The following MBNL1 variants were observed in gnomAD, a reference collection of about 807,000 sequenced individuals.
The protein encoded by MBNL1 is muscleblind like splicing regulator 1.
A neutral mutation model predicts 42.2 loss-of-function variants in MBNL1; 8 were observed. The ratio of observed to expected loss-of-function variants is 0.19; its 90% CI spans 0.11 to 0.34. The LOEUF (loss-of-function observed/expected upper bound fraction) is 0.34. Ranked by LOEUF, MBNL1 falls within the 10% of genes least tolerant of loss-of-function variation. The probability of loss-of-function intolerance (pLI) is 1.00; values close to 1 mark genes in which losing one functional copy is unlikely to be tolerated. For missense variants in MBNL1, 309 were observed against 495.3 expected (o/e 0.62, Z 3.57); for synonymous variants, 169 against 173.9 (o/e 0.97, Z 0.22).
intron 4 of MBNL1, among the ~76,000 whole-genome samples, chr3:152,434,404 A>G (rs1364282292): frequency 6.6e-6 from 1 of 152,224 alleles, no homozygotes; most frequent in African/African-American, 2.4e-5. Context: ...TTATGTCTGC[A>G]TAGTATTCCA....
At chr3:152,312,270 A>G (rs73009903) in intron 2 of MBNL1, among the ~76,000 whole-genome samples, 2,414 of 152,124 alleles carry the variant, frequency 0.016, 57 homozygotes, top group African/African-American at 0.055. Flanking sequence ...CATGGGAAAT[A>G]TAATTATTTT....
At chr3:152,262,431 A>C (rs2036453627) in intron 2 of MBNL1, among the ~76,000 whole-genome samples, 1 of 152,216 alleles carries the variant, frequency 6.6e-6, no homozygotes, top group Non-Finnish European at 1.5e-5. Flanking sequence ...CAAAAGATCC[A>C]CAGAGAGAAC....
chr3:152,269,918 T>A (rs1361159346), intron 1 of MBNL1: 1 of 97,744 alleles, frequency 1.0e-5, no homozygotes, highest in Admixed American at 1.2e-4. Flanking sequence ...CCCCCCAACT[T>A]TTTTTTTTTT....
intron 2 of MBNL1, among the ~76,000 whole-genome samples, chr3:152,380,618 G>C (rs1003824518): frequency 6.6e-6 from 1 of 152,052 alleles, no homozygotes; most frequent in Non-Finnish European, 1.5e-5. Flanking sequence ...GAGCTGAAAA[G>C]AGTAATATTT....
chr3:152,252,092 A>G (rs1164858644), intron 2 of MBNL1, among the ~76,000 whole-genome samples: 1 of 151,468 alleles, frequency 6.6e-6, no homozygotes, highest in African/African-American at 2.4e-5. Context: ...AATTGTTCAC[A>G]TTTGACCAAT....
intron 1 of MBNL1, among the ~76,000 whole-genome samples, chr3:152,275,312 C>G (rs111953779): frequency 1.0e-3 from 155 of 152,170 alleles, no homozygotes; most frequent in African/African-American, 3.6e-3. Context: ...TATCAAAGGC[C>G]CCCTTACTGA....
chr3:152,336,706 T>G (rs2152749308), intron 2 of MBNL1, among the ~76,000 whole-genome samples: 1 of 152,338 alleles, frequency 6.6e-6, no homozygotes, highest in East Asian at 1.9e-4. Context: ...AAGTAAACCT[T>G]GCACAAGCTA....
At chr3:152,458,216 T>C in intron 8 of MBNL1, 2 of 1,610,514 alleles carry the variant, frequency 1.2e-6, no homozygotes, top group Non-Finnish European at 1.7e-6. Context: ...TCATTATGCT[T>C]GGAGCACATT....
rs1185677586 is a variant in MBNL1, at chr3:152,464,964, T to G, written c.*2598T>G. ...TGCAAAAGTGGCACAGAGTTAGCAC[T>G]CCATACCCCTTCAAACATGTTGCTT... On this transcript the variant is annotated 3_prime_UTR_variant, in exon 10 of 10. Coordinates refer to ENST00000324210, the MANE Select transcript of MBNL1 (RefSeq NM_021038.5). The G allele has an allele frequency of 6.6e-6, 1 of 152,610 alleles. No homozygotes were observed. The highest frequency in any genetic ancestry group is 2.4e-5 in the African/African-American group (1 of 41,436). The allele number at this position is 152,610 out of a possible 1,614,324, so 9.5% of individuals were successfully genotyped here. A position where few individuals can be genotyped will look rare whatever the true frequency, so the allele number is the denominator to read the frequency against.
At chr3:152,448,910 G>A (rs1399263094) in intron 6 of MBNL1, among the ~76,000 whole-genome samples, 2 of 152,136 alleles carry the variant, frequency 1.3e-5, no homozygotes, top group Admixed American at 1.3e-4. Context: ...CCCCAGACAC[G>A]TGGATAAAAT....
At chr3:152,429,958 T>C (rs986631736) in intron 3 of MBNL1, among the ~76,000 whole-genome samples, 2 of 152,196 alleles carry the variant, frequency 1.3e-5, no homozygotes, top group Admixed American at 1.3e-4. Context: ...TGTTTCACAT[T>C]TTTAAACGCT....
chr3:152,310,627 A>T (rs2065822179), intron 2 of MBNL1, among the ~76,000 whole-genome samples: 1 of 152,170 alleles, frequency 6.6e-6, no homozygotes. Context: ...ATGCTCATTC[A>T]CATTTTTTCT....
At chr3:152,348,177 G>A (rs763581834) in intron 2 of MBNL1, among the ~76,000 whole-genome samples, 5 of 152,068 alleles carry the variant, frequency 3.3e-5, no homozygotes, top group Admixed American at 6.6e-5. Flanking sequence ...AGGAGAGATA[G>A]GCAACAGAAA....
At chr3:152,335,589 G>C (rs2089349676) in intron 2 of MBNL1, among the ~76,000 whole-genome samples, 1 of 151,904 alleles carries the variant, frequency 6.6e-6, no homozygotes, top group Non-Finnish European at 1.5e-5. Flanking sequence ...GTATATGAAA[G>C]CAGTTGTTCC....
rs987351073 is a variant in MBNL1 at position 152,417,816 on chromosome 3, G to T, written c.345+2705G>T. On this transcript the variant is annotated intron_variant, in intron 3 of 9. Transcript: ENST00000324210. ...TACAGAGGCTGCAACATAGAATGGG[G>T]CATAGAAGTGGACACATATCAGCAG... 4.6e-5 allele frequency among the ~76,000 whole-genome samples: 7 copies of T among 152,314 alleles called. No individual in the cohort carries two copies. In the South Asian group the frequency reaches 1.2e-3, roughly 27 times the overall value.
chr3:152,453,819 C>A (rs984269645), intron 6 of MBNL1, among the ~76,000 whole-genome samples: 4 of 152,170 alleles, frequency 2.6e-5, no homozygotes, highest in Non-Finnish European at 5.9e-5. Context: ...TCATTTTCAG[C>A]ATGTGCAGAC....
chr3:152,445,424 G>A lies in MBNL1; in HGVS notation c.692G>A (p.Arg231Gln). ...GATTACATCAAAGGGAGATGCTCTC[G>A]GGAAAAGTGCAAATACTTTCATCCC... ...CMDYIKGRCSREKCKYFHPPA... is the reference protein window; with the variant it reads ...CMDYIKGRCSQEKCKYFHPPA... Residue 231 changes from arginine (R) to glutamine (Q), a missense_variant, in exon 5 of 10, where the codon CGG becomes CAG. Physicochemically the swap from Arg to Gln is conservative, Grantham distance 43 (BLOSUM62 1). Transcript: ENST00000324210. The A allele has an allele frequency of 6.2e-7, 1 of 1,614,010 alleles. No individual in the cohort carries two copies. The highest frequency in any genetic ancestry group is 8.5e-7 in the Non-Finnish European group (1 of 1,179,974).
At chr3:152,317,839 C>T (rs1047641853) in intron 2 of MBNL1, among the ~76,000 whole-genome samples, 2 of 152,146 alleles carry the variant, frequency 1.3e-5, no homozygotes, top group African/African-American at 4.8e-5. Context: ...AACCTAAGGA[C>T]TTTATTTCGT....
intron 2 of MBNL1, among the ~76,000 whole-genome samples, chr3:152,388,623 A>AG (rs1266404655): frequency 6.6e-6 from 1 of 152,132 alleles, no homozygotes; most frequent in Non-Finnish European, 1.5e-5. Context: ...GACTTTGAGG[A>AG]GGTATGACTA....
Sources: gnomAD v4.1 joint callset for allele counts (sites outside exome capture counted in the v4.1 genomes callset) on GRCh38, gnomAD v4.1.1 for gene constraint, MANE v1.5 for transcripts, NCBI Gene and HGNC (gene_info 2026-07-23, HGNC 2026-07-21) for gene names.